Variants in SEMA5A observed in about 807,000 individuals in gnomAD.
SEMA5A encodes the protein semaphorin 5A, also known as semaphorin-5A.
Under a neutral mutation model 135.5 loss-of-function variants are expected in SEMA5A, and 55 were observed. The observed-to-expected ratio is 0.41, with a 90% CI of 0.33 to 0.51. The LOEUF is 0.51. Among genes scored for constraint, SEMA5A ranks in the 20% least tolerant of loss-of-function variants. The pLI is 0.37. For missense variants in SEMA5A, 1,290 were observed against 1,419.9 expected (o/e 0.91, Z 1.47); for synonymous variants, 580 against 546.5 (o/e 1.06, Z -0.85).
At chr5:9,534,524 T>C (rs951427915) in intron 1 of SEMA5A, among the ~76,000 whole-genome samples, 3 of 152,156 alleles carry the variant, frequency 2.0e-5, no homozygotes, top group Non-Finnish European at 4.4e-5. Flanking sequence ...AGGGCCATGA[T>C]GGAGCCCACT....
chr5:9,377,359 A>G (rs754652076), intron 3 of SEMA5A, among the ~76,000 whole-genome samples: 7 of 152,214 alleles, frequency 4.6e-5, no homozygotes, highest in Non-Finnish European at 8.8e-5. Context: ...TAGGATCAAG[A>G]AAACAGGAAG....
At chr5:9,267,598 T>C (rs1374901416) in intron 5 of SEMA5A, among the ~76,000 whole-genome samples, 1 of 152,184 alleles carries the variant, frequency 6.6e-6, no homozygotes, top group Admixed American at 6.5e-5. Context: ...AAAGAGAGTA[T>C]TCCTTCTCTC....
At chr5:9,133,521 CAGA>C (rs1741556015) in intron 13 of SEMA5A, among the ~76,000 whole-genome samples, 1 of 152,254 alleles carries the variant, frequency 6.6e-6, no homozygotes, top group South Asian at 2.1e-4. Flanking sequence ...ACCCTGTCAT[CAGA>C]AGAAGCAGAC....
intron 1 of SEMA5A, chr5:9,518,002 G>A (rs1022552889): frequency 6.6e-6 from 1 of 152,134 alleles, no homozygotes; most frequent in Non-Finnish European, 1.5e-5. Flanking sequence ...AGCGTAAGTA[G>A]TAACTATGGA....
intron 5 of SEMA5A, among the ~76,000 whole-genome samples, chr5:9,301,391 C>T (rs768166017): frequency 6.6e-6 from 1 of 152,160 alleles, no homozygotes; most frequent in Non-Finnish European, 1.5e-5. Flanking sequence ...AATCGTATTA[C>T]GCAAGCCCTT....
At chr5:9,138,673 TTA>T (rs759379985) in intron 12 of SEMA5A, among the ~76,000 whole-genome samples, 3 of 152,304 alleles carry the variant, frequency 2.0e-5, no homozygotes, top group East Asian at 3.9e-4. Flanking sequence ...TTGTGGTGAT[TTA>T]TGAGATTTTG....
intron 5 of SEMA5A, among the ~76,000 whole-genome samples, chr5:9,300,224 C>T (rs1286405783): frequency 2.0e-5 from 3 of 152,212 alleles, no homozygotes; most frequent in Non-Finnish European, 2.9e-5. Context: ...GACAGGGTTT[C>T]GCCATGTTAC....
At chr5:9,128,020 G>A (rs898790231) in intron 13 of SEMA5A, among the ~76,000 whole-genome samples, 2 of 152,216 alleles carry the variant, frequency 1.3e-5, no homozygotes, top group Non-Finnish European at 2.9e-5. Context: ...GAGGGAACCT[G>A]AGAATTTCCA....
intron 8 of SEMA5A, among the ~76,000 whole-genome samples, chr5:9,211,450 C>T (rs771939301): frequency 1.3e-5 from 2 of 152,126 alleles, no homozygotes; most frequent in Admixed American, 6.6e-5. Flanking sequence ...CCAGCTGTAG[C>T]GAATCTTGTC....
chr5:9,073,178 T>G (rs1056155884), intron 16 of SEMA5A, among the ~76,000 whole-genome samples: 3 of 152,116 alleles, frequency 2.0e-5, no homozygotes, highest in Admixed American at 6.5e-5. Context: ...CATGAATGAG[T>G]ATTCCTCATG....
At chr5:9,162,467 T>C (rs1743320459) in intron 11 of SEMA5A, among the ~76,000 whole-genome samples, 1 of 41,340 alleles carries the variant, frequency 2.4e-5, no homozygotes, top group South Asian at 5.6e-4. Flanking sequence ...TGTGTGTGTA[T>C]ATATATGTGT....
intron 16 of SEMA5A, among the ~76,000 whole-genome samples, chr5:9,105,758 C>G (rs1307046113): frequency 6.6e-6 from 1 of 152,134 alleles, no homozygotes; most frequent in Non-Finnish European, 1.5e-5. Context: ...CTTCATGTCT[C>G]AAAAATCAAT....
At chr5:9,116,363 A>G (rs1412168077) in intron 15 of SEMA5A, among the ~76,000 whole-genome samples, 7 of 152,248 alleles carry the variant, frequency 4.6e-5, no homozygotes, top group African/African-American at 1.7e-4. Context: ...TCCTTTTGTT[A>G]GTAGCCTCTC....
At chr5:9,498,346 C>T (rs917523066) in intron 1 of SEMA5A, 35 of 152,102 alleles carry the variant, frequency 2.3e-4, no homozygotes, top group African/African-American at 8.5e-4. Flanking sequence ...AATGTCACCA[C>T]GAGGGGAAAA....
chr5:9,388,131 A>T (rs1466330128), intron 2 of SEMA5A, among the ~76,000 whole-genome samples: 2 of 152,238 alleles, frequency 1.3e-5, no homozygotes, highest in Non-Finnish European at 2.9e-5. Context: ...ATCTGAACTC[A>T]GAGGAGATGG....
chr5:9,275,617 A>G (rs958167189), intron 5 of SEMA5A, among the ~76,000 whole-genome samples: 2 of 152,194 alleles, frequency 1.3e-5, no homozygotes, highest in African/African-American at 4.8e-5. Context: ...CCAGCAGCAC[A>G]TCAAAAAGCT....
At chr5:9,414,049 C>T (rs917443990) in intron 2 of SEMA5A, among the ~76,000 whole-genome samples, 8 of 152,122 alleles carry the variant, frequency 5.3e-5, no homozygotes, top group Admixed American at 6.5e-5. Context: ...TTATCATCTA[C>T]TGTCTTTCTT....
chr5:9,305,238 T>C (rs74339723), intron 5 of SEMA5A, among the ~76,000 whole-genome samples: 11,794 of 152,226 alleles, frequency 0.077, 530 homozygotes, highest in South Asian at 0.14. Context: ...TTTTATCAAA[T>C]TTATTTACTA....
At chr5:9,062,730 G>A (rs1737250677) in intron 18 of SEMA5A, among the ~76,000 whole-genome samples, 157 bp downstream of exon 18, 1 of 152,144 alleles carries the variant, frequency 6.6e-6, no homozygotes, top group African/African-American at 2.4e-5. Context: ...CAAAGTGCTG[G>A]GATTACCAGC....
Sources: allele counts gnomAD v4.1 joint callset (sites outside exome capture counted in the v4.1 genomes callset), GRCh38; gene constraint gnomAD v4.1.1; transcripts MANE v1.5; gene names NCBI Gene and HGNC (gene_info 2026-07-23, HGNC 2026-07-21).